Variants in CFL1 observed in about 807,000 individuals in gnomAD.
CFL1 encodes the protein cofilin-1.
A neutral mutation model predicts 16.3 loss-of-function variants in CFL1; 2 were observed. That is an observed-to-expected ratio of 0.12 (90% CI 0.05 to 0.39). CFL1 has a LOEUF of 0.39. Among genes scored for constraint, CFL1 ranks in the 10% least tolerant of loss-of-function variants. The probability of loss-of-function intolerance (pLI) is 0.99; values close to 1 mark genes in which losing one functional copy is unlikely to be tolerated. For missense variants in CFL1, 75 were observed against 212.2 expected, an observed-to-expected ratio of 0.35 and a Z score of 4.02; for synonymous variants, 111 against 84.4, an observed-to-expected ratio of 1.31 and a Z score of -1.73.
intron 1 of CFL1, chr11:65,856,529 A>T: frequency 2.6e-6 from 1 of 380,834 alleles, no homozygotes; most frequent in South Asian, 2.8e-5. Flanking sequence ...ACCCAGAATT[A>T]AAAGATCCAC....
chr11:65,855,901 C>A, intron 2 of CFL1, 34 bp downstream of exon 2: 2 of 1,591,314 alleles, frequency 1.3e-6, no homozygotes, highest in Non-Finnish European at 1.7e-6. Flanking sequence ...AGAAAGGGGG[C>A]AGGTGACAGG....
Position 65,855,958 on chromosome 11 carries a change from C to T in CFL1, c.288G>A (p.Lys96=). 1.2e-6 allele frequency: 2 copies of T among 1,612,100 alleles called. No individual in the cohort carries two copies. Among genetic ancestry groups the T allele is most frequent in the Non-Finnish European group, 1.7e-6 (2 of 1,178,268 alleles). The stretch of plus-strand genomic sequence containing the variant: ...ACCAGAAGATAAACACCAGATCCTC[C>T]TTCTTGCTCTCCTTGGTCTCATAGG... ...DATYETKESK[K]EDLVFIFWAP... is the part of the protein sequence containing the mutation. The change falls in exon 2 of 4, where the codon AAG becomes AAA. Residue 96 remains lysine, a synonymous_variant. Coordinates refer to ENST00000308162, the MANE Select transcript of CFL1 (RefSeq NM_005507.3).
intron 1 of CFL1, 169 bp from the exon 2 acceptor site, chr11:65,856,411 C>T (rs1478125278): frequency 1.6e-6 from 1 of 621,416 alleles, no homozygotes; most frequent in African/African-American, 1.8e-5. Flanking sequence ...GACACAACCT[C>T]AGAATGGCAG....
Position 65,858,083 on chromosome 11 carries a change from G to C in CFL1, c.3+14C>G. 1 of 1,534,982 alleles carries C rather than the reference G, an allele frequency of 6.5e-7. No individual in the cohort carries two copies. The highest frequency in any genetic ancestry group is 8.8e-7 in the Non-Finnish European group (1 of 1,141,590). On this transcript the variant is annotated intron_variant, in intron 1 of 3. Transcript: ENST00000308162. ...CGCAGCCGCCTCCCTCAGGCGCCGTGGCCTGCCGCTCACCATGTTTCCGGA... is the reference window on the plus strand; with the variant it reads ...CGCAGCCGCCTCCCTCAGGCGCCGTCGCCTGCCGCTCACCATGTTTCCGGA...
Position 65,856,213 on chromosome 11 carries a change from G to T in CFL1, c.33C>A (p.Val11=). The change falls in exon 2 of 4, where the codon GTC becomes GTA. Residue 11 remains valine, a synonymous_variant. Transcript: ENST00000308162. ...CCTTCATGTCGTTGAACACCTTGAT[G>T]ACACCATCAGAGACAGCCACACCGG... MASGVAVSDG[V]IKVFNDMKVR... 1 of 1,613,966 alleles carries T rather than the reference G, an allele frequency of 6.2e-7. No individual in the cohort carries two copies. The highest frequency in any genetic ancestry group is 1.1e-5 in the South Asian group (1 of 91,070).
chr11:65,857,096 T>C (rs1859400127), intron 1 of CFL1: 1 of 157,378 alleles, frequency 6.4e-6, no homozygotes, highest in Admixed American at 6.5e-5. Flanking sequence ...CCCTCACCAA[T>C]GCAGAAACGC....
rs1859344828 is a variant in CFL1 at position 65,854,737 on chromosome 11, C to G, written c.*599G>C. 1 of 153,108 alleles carries G rather than the reference C, an allele frequency of 6.5e-6. No homozygotes were observed. The highest frequency in any genetic ancestry group is 1.5e-5 in the Non-Finnish European group (1 of 68,714). 9.5% of individuals were successfully genotyped at this position (153,108 alleles called of 1,614,324 possible). On this transcript the variant is annotated 3_prime_UTR_variant, in exon 4 of 4. Transcript: ENST00000308162. ...GGAGTACAGAGGAGAGAGATAGCAC[C>G]ATTATCCCAGTGCACCCCCAATCCT...
chr11:65,855,857 G>A (rs1420177526), intron 2 of CFL1, 78 bp downstream of exon 2: 1 of 1,543,662 alleles, frequency 6.5e-7, no homozygotes, highest in Non-Finnish European at 8.8e-7. Flanking sequence ...CCACACATCT[G>A]GGTTGACCAG....
At position 65,857,823 on chromosome 11, in the gene CFL1, C is replaced by G. The variant is rs1436082504; in HGVS notation, c.3+274G>C. On this transcript the variant is annotated intron_variant, in intron 1 of 3. Coordinates refer to ENST00000308162, the MANE Select transcript of CFL1 (RefSeq NM_005507.3). The stretch of plus-strand genomic sequence containing the variant: ...CCGCGAGGGGCGCCCCAGCGCGCGC[C>G]CCGAACCCCTCCCCCCGCGGCCGGT... The G allele has an allele frequency of 1.2e-5, 3 of 253,370 alleles. No homozygotes were observed. The East Asian group carries it at 2.2e-4, about 19-fold the overall frequency. 15.7% of individuals were successfully genotyped at this position (253,370 alleles called of 1,614,324 possible). A position where few individuals can be genotyped will look rare whatever the true frequency, so the allele number is the denominator to read the frequency against.
At chr11:65,857,619 T>A (rs950811665) in intron 1 of CFL1, 2 of 221,772 alleles carry the variant, frequency 9.0e-6, no homozygotes, top group Non-Finnish European at 2.0e-5. Flanking sequence ...TGCCACCTGC[T>A]CCCGAGACGG....
chr11:65,855,365 C>G lies in CFL1; in HGVS notation c.472G>C (p.Val158Leu), dbSNP rs1859365954. ...AAAGGCTTGCCCTCCAGGGAGATGACGGCACTGCCCCCCAGCTTCTCTGCC... is the reference window on the plus strand; with the variant it reads ...AAAGGCTTGCCCTCCAGGGAGATGAGGGCACTGCCCCCCAGCTTCTCTGCC... ...TLAEKLGGSA[V>L]ISLEGKPL is the part of the protein sequence containing the mutation. The change falls in exon 4 of 4, where the codon GTC (valine) becomes CTC (leucine). Residue 158 changes from valine (V) to leucine (L), a missense_variant. Coordinates refer to ENST00000308162, the MANE Select transcript of CFL1 (RefSeq NM_005507.3). 1 of 1,611,884 alleles carries G rather than the reference C, an allele frequency of 6.2e-7. No homozygotes were observed.
Position 65,856,051 on chromosome 11 carries a change from G to A in CFL1, c.195C>T (p.Asp65=), listed in dbSNP as rs11550150. 8.7e-6 allele frequency: 14 copies of A among 1,614,022 alleles called. No individual in the cohort carries two copies. The highest frequency in any genetic ancestry group is 1.3e-5 in the African/African-American group (1 of 74,898). The change falls in exon 2 of 4, where the codon GAC becomes GAT. Residue 65 remains aspartate, a synonymous_variant. Transcript: ENST00000308162. ...TCTTGACAAAGGTGGCGTAGGGGTC[G>A]TCGACAGTCTGGCCCACATCGCCCA... ...ILVGDVGQTV[D]DPYATFVKML...
chr11:65,857,574 C>T (rs907483622), intron 1 of CFL1: 1 of 217,142 alleles, frequency 4.6e-6, no homozygotes, highest in South Asian at 3.4e-5. Flanking sequence ...CCCCTCGCCG[C>T]GCCAGCACCC....
chr11:65,857,242 C>A, intron 1 of CFL1: 1 of 270,616 alleles, frequency 3.7e-6, no homozygotes, highest in Non-Finnish European at 7.7e-6. Context: ...AGCCCTCGGG[C>A]CGTATACAGG....
chr11:65,855,332 G>T lies in CFL1; in HGVS notation c.*4C>A, dbSNP rs769348819. The T allele has an allele frequency of 6.2e-7, 1 of 1,610,588 alleles. No individual in the cohort carries two copies. Among genetic ancestry groups the T allele is most frequent in the Non-Finnish European group, 8.5e-7 (1 of 1,178,954 alleles). ...GATGCTCCAGGCAGGGGGCCAGAAG[G>T]GGCTCACAAAGGCTTGCCCTCCAGG... is the stretch of plus-strand genomic sequence containing the variant. On this transcript the variant is annotated 3_prime_UTR_variant, in exon 4 of 4. Transcript: ENST00000308162.
chr11:65,857,256 C>A (rs893421136), intron 1 of CFL1: 3 of 281,682 alleles, frequency 1.1e-5, no homozygotes, highest in African/African-American at 4.7e-5. Context: ...ATACAGGGGG[C>A]GGGGTGGTTT....
intron 1 of CFL1, chr11:65,856,560 A>C: frequency 3.1e-6 from 1 of 320,026 alleles, no homozygotes; most frequent in South Asian, 3.0e-5. Context: ...CTCATTTGCT[A>C]CTCACAGTAC....
Position 65,855,960 on chromosome 11 carries a change from TCTTGCTCTC to T in CFL1, c.277_285del (p.Glu93_Lys95del). 6.2e-7 allele frequency: 1 copy of T among 1,612,700 alleles called. No homozygotes were observed. The highest frequency in any genetic ancestry group is 8.5e-7 in the Non-Finnish European group (1 of 1,178,766). ...CAGAAGATAAACACCAGATCCTCCT[TCTTGCTCTC>T]CTTGGTCTCATAGGTTGCATCATAG... On this transcript the variant is annotated inframe_deletion, in exon 2 of 4. Transcript: ENST00000308162.
chr11:65,856,580 G>C, intron 1 of CFL1: 1 of 279,270 alleles, frequency 3.6e-6, no homozygotes, highest in Non-Finnish European at 7.0e-6. Flanking sequence ...CTTGCTCTCA[G>C]CCTTTGGATA....
Sources: allele counts gnomAD v4.1 joint callset, GRCh38; gene constraint gnomAD v4.1.1; transcripts MANE v1.5; gene names NCBI Gene and HGNC (gene_info 2026-07-23, HGNC 2026-07-21).